NEGR1: variants seen among roughly 807,000 people sequenced by gnomAD.
NEGR1 encodes neuronal growth regulator 1.
NEGR1 carries 10 observed loss-of-function variants against 40.9 expected under a neutral mutation model. The ratio of observed to expected loss-of-function variants is 0.24; its 90% CI spans 0.15 to 0.42. The LOEUF (loss-of-function observed/expected upper bound fraction) is 0.42. Among genes scored for constraint, NEGR1 ranks in the 10% least tolerant of loss-of-function variants. The probability of loss-of-function intolerance (pLI) is 1.00; values close to 1 mark genes in which losing one functional copy is unlikely to be tolerated. For synonymous variants in NEGR1, 185 were observed against 166.8 expected (o/e 1.11, Z -0.84); for missense variants, 352 against 438.9 (o/e 0.80, Z 1.77).
intron 1 of NEGR1, among the ~76,000 whole-genome samples, chr1:72,172,943 C>T (rs984209090): frequency 2.0e-5 from 3 of 152,048 alleles, no homozygotes; most frequent in Admixed American, 2.0e-4. Context: ...TACCTTGTGC[C>T]CACCTGAATA....
At chr1:72,119,079 T>G (rs1388056820) in intron 1 of NEGR1, among the ~76,000 whole-genome samples, 2 of 151,864 alleles carry the variant, frequency 1.3e-5, no homozygotes, top group African/African-American at 4.8e-5. Context: ...AACTGTTACT[T>G]TACTTATTCT....
At chr1:71,422,481 T>C (rs746433804) in intron 6 of NEGR1, 6 of 152,226 alleles carry the variant, frequency 3.9e-5, no homozygotes, top group Non-Finnish European at 5.9e-5. Context: ...AAGGCTGTCG[T>C]AATGTCATTT....
At chr1:71,446,403 T>C (rs1392959920) in intron 6 of NEGR1, among the ~76,000 whole-genome samples, 2 of 152,144 alleles carry the variant, frequency 1.3e-5, no homozygotes, top group Non-Finnish European at 2.9e-5. Context: ...AATTGTTTCA[T>C]AGAATTATGA....
At chr1:71,715,104 C>A (rs1020765934) in intron 3 of NEGR1, among the ~76,000 whole-genome samples, 50 of 152,206 alleles carry the variant, frequency 3.3e-4, no homozygotes, top group Admixed American at 2.6e-4. Flanking sequence ...ATCTGTGCAT[C>A]TGTAGGCCCA....
chr1:72,277,240 C>A (rs1469468275), intron 1 of NEGR1, among the ~76,000 whole-genome samples: 1 of 152,086 alleles, frequency 6.6e-6, no homozygotes, highest in Non-Finnish European at 1.5e-5. Context: ...CCCCCCTCCA[C>A]CCCCATAACA....
intron 1 of NEGR1, among the ~76,000 whole-genome samples, chr1:72,145,403 T>C (rs1179861327): frequency 6.6e-6 from 1 of 152,146 alleles, no homozygotes; most frequent in African/African-American, 2.4e-5. Flanking sequence ...AACAGCATTT[T>C]TGTTACTTGT....
At chr1:71,663,222 G>C (rs924128708) in intron 4 of NEGR1, among the ~76,000 whole-genome samples, 3 of 152,110 alleles carry the variant, frequency 2.0e-5, no homozygotes, top group Admixed American at 2.0e-4. Context: ...CTCCCAAAGT[G>C]CTGGGATTAC....
intron 3 of NEGR1, among the ~76,000 whole-genome samples, chr1:71,754,204 C>A (rs1003026810): frequency 2.0e-5 from 3 of 152,306 alleles, no homozygotes; most frequent in South Asian, 4.1e-4. Flanking sequence ...GTACCCACCT[C>A]AGAGGTGCTG....
At chr1:71,424,624 C>G (rs184495718) in intron 6 of NEGR1, among the ~76,000 whole-genome samples, 4 of 152,312 alleles carry the variant, frequency 2.6e-5, no homozygotes, top group African/African-American at 9.6e-5. Flanking sequence ...AGGCAGTTTT[C>G]TCCACTGGTG....
intron 1 of NEGR1, among the ~76,000 whole-genome samples, chr1:72,152,952 A>G (rs906311655): frequency 2.0e-5 from 3 of 151,904 alleles, no homozygotes; most frequent in Non-Finnish European, 2.9e-5. Flanking sequence ...GAACATCAAT[A>G]TGGAAACAAT....
chr1:71,570,831 G>A (rs375732058), intron 6 of NEGR1: 26 of 151,450 alleles, frequency 1.7e-4, no homozygotes, highest in Admixed American at 8.6e-4. Flanking sequence ...GGAGAATTTC[G>A]CTTGTAGCTT....
At chr1:71,661,442 T>C (rs957761641) in intron 4 of NEGR1, among the ~76,000 whole-genome samples, 11 of 152,214 alleles carry the variant, frequency 7.2e-5, no homozygotes, top group African/African-American at 2.7e-4. Flanking sequence ...CTACATGTAG[T>C]GCAAACTCTG....
intron 1 of NEGR1, chr1:72,275,282 C>G (rs1161790903): frequency 4.1e-6 from 2 of 482,802 alleles, no homozygotes; most frequent in Non-Finnish European, 7.4e-6. Flanking sequence ...GTAATAGATA[C>G]AGCAGAGTAA....
chr1:71,688,247 C>T (rs896306205), intron 4 of NEGR1, among the ~76,000 whole-genome samples: 2 of 144,688 alleles, frequency 1.4e-5, no homozygotes, highest in Non-Finnish European at 3.0e-5. Flanking sequence ...CAGAGCCTGA[C>T]TTCGTAGTCA....
intron 1 of NEGR1, among the ~76,000 whole-genome samples, chr1:71,981,980 T>C (rs1646358301): frequency 6.6e-6 from 1 of 152,194 alleles, no homozygotes; most frequent in Non-Finnish European, 1.5e-5. Context: ...GTTGCAATAA[T>C]GTTTAATGTC....
Position 71,401,933 on chromosome 1 carries a change from T to A in NEGR1, c.*5513A>T, listed in dbSNP as rs900828033. 2 of 152,174 alleles carry A rather than the reference T, an allele frequency of 1.3e-5. No individual in the cohort carries two copies. The highest frequency in any genetic ancestry group is 2.9e-5 in the Non-Finnish European group (2 of 68,026). The allele number at this position is 152,174 out of a possible 1,614,324, so 9.4% of individuals were successfully genotyped here. The stretch of plus-strand genomic sequence containing the variant: ...TGACATGTACAATCTGATTAGCCTT[T>A]AAATCTCATACCCTCTGCAGGTATT... On this transcript the variant is annotated 3_prime_UTR_variant, in exon 7 of 7. Coordinates refer to ENST00000357731, the MANE Select transcript of NEGR1 (RefSeq NM_173808.3).
At chr1:71,439,105 T>C (rs982978939) in intron 6 of NEGR1, among the ~76,000 whole-genome samples, 1 of 152,152 alleles carries the variant, frequency 6.6e-6, no homozygotes, top group Admixed American at 6.5e-5. Flanking sequence ...AATCTTCCCT[T>C]CTGATTCCAC....
intron 1 of NEGR1, among the ~76,000 whole-genome samples, chr1:72,021,251 T>C (rs1646753590): frequency 1.3e-5 from 2 of 152,150 alleles, no homozygotes; most frequent in South Asian, 4.1e-4. Flanking sequence ...TTAGATATAC[T>C]ACCCTATCAA....
chr1:71,763,746 A>AGTGTGTGTGT (rs55890627), intron 3 of NEGR1, among the ~76,000 whole-genome samples: 1 of 149,968 alleles, frequency 6.7e-6, no homozygotes, highest in African/African-American at 2.5e-5. Flanking sequence ...CATATTTAGG[A>AGTGTGTGTGT]GTGTGTGTGT....
Sources: gnomAD v4.1 joint callset for allele counts (sites outside exome capture counted in the v4.1 genomes callset) on GRCh38, gnomAD v4.1.1 for gene constraint, MANE v1.5 for transcripts, NCBI Gene and HGNC (gene_info 2026-07-23, HGNC 2026-07-21) for gene names.